The following DLGAP2 variants were observed in gnomAD, a reference collection of about 807,000 sequenced individuals.
DLGAP2 encodes the protein disks large-associated protein 2.
DLGAP2 carries 26 observed loss-of-function variants against 100.3 expected under a neutral mutation model. The observed-to-expected ratio is 0.26, with a 90% confidence interval of 0.19 to 0.36. The LOEUF is 0.36. DLGAP2 is among the 10% of genes least tolerant of loss of function. DLGAP2 has a pLI of 1.00. For synonymous variants in DLGAP2, 886 were observed against 630.1 expected (o/e 1.41, Z -6.08); for missense variants, 1,858 against 1,453.2 (o/e 1.28, Z -4.53).
intron 2 of DLGAP2, among the ~76,000 whole-genome samples, chr8:1,187,764 C>A (rs1461157681): frequency 7.0e-6 from 1 of 142,456 alleles, no homozygotes; most frequent in Non-Finnish European, 1.5e-5. Context: ...CTCACGGAAT[C>A]TCACACGCCC....
intron 2 of DLGAP2, among the ~76,000 whole-genome samples, chr8:1,007,374 G>C (rs1251996096): frequency 1.3e-5 from 2 of 152,202 alleles, no homozygotes; most frequent in African/African-American, 2.4e-5. Flanking sequence ...AACCAAGGGG[G>C]AGTGAAGCAG....
intron 4 of DLGAP2, among the ~76,000 whole-genome samples, chr8:1,503,285 C>T (rs1269567546): frequency 6.6e-6 from 1 of 152,086 alleles, no homozygotes; most frequent in African/African-American, 2.4e-5. Flanking sequence ...AACACTCAGT[C>T]CCTTTCCCCT....
At chr8:1,444,188 C>T (rs1431465798) in intron 3 of DLGAP2, among the ~76,000 whole-genome samples, 1 of 152,090 alleles carries the variant, frequency 6.6e-6, no homozygotes, top group Non-Finnish European at 1.5e-5. Flanking sequence ...TGGCCTCAAG[C>T]GATCCTGTTG....
intron 2 of DLGAP2, among the ~76,000 whole-genome samples, chr8:1,067,040 G>A (rs891876262): frequency 6.6e-6 from 1 of 152,178 alleles, no homozygotes; most frequent in African/African-American, 2.4e-5. Flanking sequence ...TTGCTGCAGA[G>A]AGGGGTTGGT....
At chr8:935,739 T>C (rs1799056169) in intron 2 of DLGAP2, among the ~76,000 whole-genome samples, 1 of 152,166 alleles carries the variant, frequency 6.6e-6, no homozygotes, top group Non-Finnish European at 1.5e-5. Flanking sequence ...TGCGTCCTGC[T>C]CTAGTTTCAG....
At chr8:1,157,932 T>C (rs1796822154) in intron 2 of DLGAP2, among the ~76,000 whole-genome samples, 1 of 152,172 alleles carries the variant, frequency 6.6e-6, no homozygotes, top group Non-Finnish European at 1.5e-5. Context: ...ACAGTTATCA[T>C]CCACACTGTT....
chr8:1,178,793 G>A (rs968419557), intron 2 of DLGAP2, among the ~76,000 whole-genome samples: 1 of 152,168 alleles, frequency 6.6e-6, no homozygotes. Flanking sequence ...GGAAGACCCA[G>A]GTCAGCTGTG....
chr8:1,655,850 C>A (rs375579910), intron 8 of DLGAP2, among the ~76,000 whole-genome samples: 1 of 152,220 alleles, frequency 6.6e-6, no homozygotes, highest in Non-Finnish European at 1.5e-5. Flanking sequence ...GACATGGCCT[C>A]TTCATGCAGG....
chr8:1,013,671 GTGTGAGACCAGGACAGA>G (rs1801369926), intron 2 of DLGAP2, among the ~76,000 whole-genome samples: 1 of 116,188 alleles, frequency 8.6e-6, no homozygotes, highest in African/African-American at 4.4e-5. Flanking sequence ...CGCCTCCACT[GTGTGAGACCAGGACAGA>G]CGATGCCTCC....
At chr8:1,374,045 T>C (rs1405099934) in intron 3 of DLGAP2, among the ~76,000 whole-genome samples, 1 of 151,622 alleles carries the variant, frequency 6.6e-6, no homozygotes, top group Non-Finnish European at 1.5e-5. Flanking sequence ...GGCTGTGTGG[T>C]GGAGGTTAGG....
intron 2 of DLGAP2, among the ~76,000 whole-genome samples, chr8:1,112,542 C>G (rs1017730897): frequency 2.0e-5 from 3 of 152,106 alleles, no homozygotes; most frequent in Non-Finnish European, 4.4e-5. Flanking sequence ...GCCCGGGCGT[C>G]CTTTGCCCAC....
intron 1 of DLGAP2, among the ~76,000 whole-genome samples, chr8:858,581 A>G (rs574756543): frequency 5.3e-5 from 8 of 151,234 alleles, no homozygotes; most frequent in Non-Finnish European, 1.0e-4. Flanking sequence ...CCGTGGGGAC[A>G]TGTGTGACGC....
chr8:1,625,008 C>T (rs998838766), intron 6 of DLGAP2, among the ~76,000 whole-genome samples: 5 of 152,060 alleles, frequency 3.3e-5, no homozygotes, highest in African/African-American at 1.2e-4. Flanking sequence ...AATGAATAAG[C>T]TTCACTTAAT....
intron 3 of DLGAP2, among the ~76,000 whole-genome samples, chr8:1,370,054 T>C (rs1354192517): frequency 1.3e-5 from 2 of 152,140 alleles, no homozygotes; most frequent in African/African-American, 4.8e-5. Context: ...CCAGCCCCCA[T>C]TGGCCATTTC....
intron 1 of DLGAP2, among the ~76,000 whole-genome samples, chr8:866,873 C>T (rs535333124): frequency 2.0e-5 from 3 of 152,274 alleles, no homozygotes; most frequent in Admixed American, 1.3e-4. Flanking sequence ...TGCTCAGAGC[C>T]GGTGTTCTCC....
chr8:1,267,590 AGAT>A lies in DLGAP2; in HGVS notation c.106+8708_106+8710del, dbSNP rs1314736104. On this transcript the variant is annotated intron_variant, in intron 3 of 14. Transcript: ENST00000637795. ...AAATAAAATAAAATAAAATAAAATAAGATAAGATAAGATAAGATAAGATAAGAT... is the reference window on the plus strand; with the variant it reads ...AAATAAAATAAAATAAAATAAAATAAAAGATAAGATAAGATAAGATAAGAT... Among the ~76,000 whole-genome samples the A allele has an allele frequency of 5.9e-3, 186 of 31,570 alleles. 16 individuals carry two copies. Among genetic ancestry groups the A allele is most frequent in the African/African-American group, 0.021 (177 of 8,488 alleles). 20.7% of individuals were successfully genotyped at this position (31,570 alleles called of 152,430 possible).
At chr8:1,189,876 C>G (rs973105923) in intron 2 of DLGAP2, among the ~76,000 whole-genome samples, 1 of 152,122 alleles carries the variant, frequency 6.6e-6, no homozygotes, top group Non-Finnish European at 1.5e-5. Flanking sequence ...AGGAAAATCA[C>G]AGAGGTGATG....
intron 1 of DLGAP2, among the ~76,000 whole-genome samples, chr8:856,990 C>G (rs1306043080): frequency 2.0e-5 from 3 of 152,180 alleles, no homozygotes; most frequent in Non-Finnish European, 2.9e-5. Flanking sequence ...CTACAGTAAT[C>G]AAGACAGTGT....
chr8:1,686,746 G>C (rs528675377), intron 12 of DLGAP2, among the ~76,000 whole-genome samples: 1 of 152,108 alleles, frequency 6.6e-6, no homozygotes, highest in South Asian at 2.1e-4. Flanking sequence ...AGGAGGAAGA[G>C]AAGTTGATTC....
Sources: allele counts gnomAD v4.1 joint callset (sites outside exome capture counted in the v4.1 genomes callset), GRCh38; gene constraint gnomAD v4.1.1; transcripts MANE v1.5; gene names NCBI Gene and HGNC (gene_info 2026-07-23, HGNC 2026-07-21).